The following RGS6 variants were observed in gnomAD, a reference collection of about 807,000 sequenced individuals.
RGS6 encodes the protein regulator of G-protein signaling 6.
Under a neutral mutation model 78.5 loss-of-function variants are expected in RGS6, and 30 were observed. That is an observed-to-expected ratio of 0.38 (90% CI 0.29 to 0.52). RGS6 has a LOEUF of 0.52. Ranked by LOEUF, RGS6 falls within the 20% of genes least tolerant of loss-of-function variation. RGS6 has a pLI of 0.85. For missense variants in RGS6, 495 were observed against 609.7 expected (o/e 0.81, Z 1.98); for synonymous variants, 206 against 206.0 (o/e 1.00, Z 0.00).
chr14:72,092,629 G>A (rs1189568270), intron 2 of RGS6, among the ~76,000 whole-genome samples: 10 of 152,164 alleles, frequency 6.6e-5, no homozygotes, highest in Admixed American at 6.5e-4. Flanking sequence ...TGATCCACCT[G>A]CCTCAGCCCC....
chr14:72,449,652 G>A (rs2095445169), intron 3 of RGS6, among the ~76,000 whole-genome samples: 1 of 152,216 alleles, frequency 6.6e-6, no homozygotes, highest in South Asian at 2.1e-4. Context: ...CTCCCACCAA[G>A]TAAACAAGCT....
chr14:72,142,958 G>T (rs2096560303), intron 2 of RGS6, among the ~76,000 whole-genome samples: 1 of 152,120 alleles, frequency 6.6e-6, no homozygotes. Flanking sequence ...CCATTTCTCA[G>T]ACTTATAGCA....
intron 2 of RGS6, among the ~76,000 whole-genome samples, chr14:72,273,939 A>T (rs2060305423): frequency 6.6e-6 from 1 of 152,230 alleles, no homozygotes; most frequent in Non-Finnish European, 1.5e-5. Context: ...AAGAAGAGGC[A>T]TTCCCTGCTC....
rs1035098808 is a variant in RGS6 at position 72,477,032 on chromosome 14, A to T, written c.792+192A>T. On this transcript the variant is annotated intron_variant, in intron 11 of 17. Transcript: ENST00000553525. ...GGAAGCTTGAGAGAAAGAATTCTCT[A>T]CCCAGTTCCTCCAGCAGTTACTAGA... The T allele has an allele frequency of 1.3e-4, 73 of 571,652 alleles. No homozygotes were observed. The Middle Eastern group carries it at 1.6e-3, about 13-fold the overall frequency. 35.4% of individuals were successfully genotyped at this position (571,652 alleles called of 1,614,324 possible).
intron 2 of RGS6, among the ~76,000 whole-genome samples, chr14:72,327,376 G>A (rs2074038391): frequency 1.3e-5 from 2 of 152,142 alleles, no homozygotes; most frequent in South Asian, 4.1e-4. Context: ...GAAATTACAT[G>A]TAATTGCTTA....
chr14:72,230,482 T>C (rs1420665007), intron 2 of RGS6, among the ~76,000 whole-genome samples: 1 of 152,148 alleles, frequency 6.6e-6, no homozygotes, highest in Non-Finnish European at 1.5e-5. Context: ...AAGGACAGTG[T>C]AGAGGACTGC....
At chr14:71,902,840 C>T in the RGS6 span, among the ~76,000 whole-genome samples, 3 of 151,890 alleles carry the variant, frequency 2.0e-5, no homozygotes, top group African/African-American at 7.3e-5. Context: ...TGGGCATTGG[C>T]AACATTGCCT....
At chr14:72,284,203 C>A (rs1194642762) in intron 2 of RGS6, among the ~76,000 whole-genome samples, 1 of 152,160 alleles carries the variant, frequency 6.6e-6, no homozygotes, top group African/African-American at 2.4e-5. Context: ...AGTAGAAAAA[C>A]CCATTTTCTG....
the RGS6 span, among the ~76,000 whole-genome samples, chr14:72,596,777 G>A: frequency 3.3e-5 from 5 of 151,974 alleles, no homozygotes; most frequent in Non-Finnish European, 5.9e-5. Flanking sequence ...TGAGAGTCCT[G>A]TTAAACAGAA....
At chr14:72,441,394 A>G (rs2238187) in intron 3 of RGS6, among the ~76,000 whole-genome samples, 48,923 of 152,102 alleles carry the variant, frequency 0.32, 8,567 homozygotes, top group East Asian at 0.64. Context: ...CCAGGCCTTG[A>G]CCCCTTATCT....
At chr14:72,528,371 TG>T (rs1187559246) in intron 15 of RGS6, among the ~76,000 whole-genome samples, 1 of 151,952 alleles carries the variant, frequency 6.6e-6, no homozygotes, top group East Asian at 1.9e-4. Flanking sequence ...GAAGGTGGAG[TG>T]GCTCATCGGG....
At chr14:72,075,422 C>T (rs918342444) in intron 2 of RGS6, among the ~76,000 whole-genome samples, 1 of 152,112 alleles carries the variant, frequency 6.6e-6, no homozygotes, top group East Asian at 1.9e-4. Flanking sequence ...TTTATCATGC[C>T]TGAACTGTGA....
At chr14:72,590,737 G>A in the RGS6 span, among the ~76,000 whole-genome samples, 1 of 152,218 alleles carries the variant, frequency 6.6e-6, no homozygotes, top group Non-Finnish European at 1.5e-5. Context: ...CCTATAATGA[G>A]AGCAGGAAGT....
chr14:72,602,814 G>A, the RGS6 span, among the ~76,000 whole-genome samples: 1 of 152,184 alleles, frequency 6.6e-6, no homozygotes, highest in Non-Finnish European at 1.5e-5. Context: ...TGGCACAACT[G>A]AAGGATCACC....
the RGS6 span, among the ~76,000 whole-genome samples, chr14:72,593,679 G>A: frequency 1.3e-5 from 2 of 152,174 alleles, no homozygotes; most frequent in African/African-American, 4.8e-5. Context: ...GAGCCACCGT[G>A]CCCAACAGAA....
intron 2 of RGS6, among the ~76,000 whole-genome samples, chr14:72,039,668 A>AT (rs1388927708): frequency 2.6e-4 from 40 of 152,178 alleles, no homozygotes; most frequent in African/African-American, 9.6e-4. Flanking sequence ...TGATTGAGGC[A>AT]TTTAATCCAT....
At chr14:72,011,635 A>G (rs560387419) in intron 2 of RGS6, among the ~76,000 whole-genome samples, 18 of 152,358 alleles carry the variant, frequency 1.2e-4, no homozygotes, top group South Asian at 2.1e-4. Context: ...AACTATTTAC[A>G]TAGCATTTAT....
At chr14:72,272,190 A>G (rs570779510) in intron 2 of RGS6, among the ~76,000 whole-genome samples, 45 of 152,180 alleles carry the variant, frequency 3.0e-4, no homozygotes, top group Non-Finnish European at 5.0e-4. Flanking sequence ...GATAAATCAG[A>G]TAAGTACCAG....
At chr14:71,908,180 C>T in the RGS6 span, 2 of 152,218 alleles carry the variant, frequency 1.3e-5, no homozygotes, top group African/African-American at 4.8e-5. Context: ...TGACAATAGG[C>T]TCCCATGGAA....
Sources: gnomAD v4.1 joint callset for allele counts (sites outside exome capture counted in the v4.1 genomes callset) on GRCh38, gnomAD v4.1.1 for gene constraint, MANE v1.5 for transcripts, NCBI Gene and HGNC (gene_info 2026-07-23, HGNC 2026-07-21) for gene names.